The following PEPD variants were observed in gnomAD, a reference collection of about 807,000 sequenced individuals.
PEPD encodes the protein xaa-Pro dipeptidase.
PEPD carries 53 observed loss-of-function variants against 60.7 expected under a neutral mutation model. The ratio of observed to expected loss-of-function variants is 0.87; its 90% confidence interval spans 0.70 to 1.10. PEPD has a LOEUF of 1.10. Ranked by LOEUF, PEPD falls within the 50% of genes least tolerant of loss-of-function variation. The pLI is 0.00. For missense variants in PEPD, 711 were observed against 711.9 expected (o/e 1.00, Z 0.01); for synonymous variants, 267 against 284.1 (o/e 0.94, Z 0.60).
chr19:33,464,019 T>C lies in PEPD; in HGVS notation c.592A>G (p.Thr198Ala). The change falls in exon 8 of 15, where the codon ACC becomes GCC. Residue 198 changes from threonine to alanine, a missense_variant. Coordinates refer to ENST00000244137, the MANE Select transcript of PEPD (RefSeq NM_000285.4). ...TGGGCCTCGCTGGAGATTTTATTGG[T>C]ATAGCGCAGAACCTCCAGCTCCATA... is the stretch of plus-strand genomic sequence containing the variant. ...TDMELEVLRY[T>A]NKISSEAHRE... The C allele has an allele frequency of 5.0e-6, 8 of 1,613,136 alleles. No homozygotes were observed. The highest frequency in any genetic ancestry group is 6.8e-6 in the Non-Finnish European group (8 of 1,179,388).
chr19:33,394,418 C>T (rs1050847818), intron 12 of PEPD, among the ~76,000 whole-genome samples: 4 of 152,378 alleles, frequency 2.6e-5, no homozygotes, highest in African/African-American at 4.8e-5. Flanking sequence ...CCCTTGGCGC[C>T]GCTGGTCTTC....
chr19:33,484,050 G>T (rs73039156), intron 6 of PEPD, among the ~76,000 whole-genome samples: 1 of 152,096 alleles, frequency 6.6e-6, no homozygotes, highest in Non-Finnish European at 1.5e-5. Context: ...AAGAGAGAAG[G>T]GGGTAACAGC....
At chr19:33,428,144 C>T (rs1969190290) in intron 9 of PEPD, among the ~76,000 whole-genome samples, 1 of 152,244 alleles carries the variant, frequency 6.6e-6, no homozygotes, top group African/African-American at 2.4e-5. Flanking sequence ...CCAGCCTGCA[C>T]ACACTCTGAA....
intron 8 of PEPD, 119 bp from the exon 9 acceptor site, chr19:33,463,160 A>G (rs1182069895): frequency 2.6e-6 from 2 of 773,026 alleles, no homozygotes; most frequent in East Asian, 2.4e-5. Flanking sequence ...AAAAAGAATG[A>G]TATGTGCATG....
chr19:33,505,282 C>T (rs1051535149), intron 3 of PEPD, among the ~76,000 whole-genome samples: 1 of 152,164 alleles, frequency 6.6e-6, no homozygotes, highest in Non-Finnish European at 1.5e-5. Flanking sequence ...GGCATTTGCT[C>T]TGCGGTGGAA....
At chr19:33,413,341 A>C (rs1180059932) in intron 10 of PEPD, among the ~76,000 whole-genome samples, 3 of 152,228 alleles carry the variant, frequency 2.0e-5, no homozygotes. Context: ...GCCCCTCTGC[A>C]GTGGGCAGGC....
chr19:33,453,663 C>A (rs983554124), intron 9 of PEPD, among the ~76,000 whole-genome samples: 1 of 152,206 alleles, frequency 6.6e-6, no homozygotes, highest in East Asian at 1.9e-4. Context: ...CTAGGAAACA[C>A]GAAAATTTCC....
intron 3 of PEPD, 27 bp from the exon 4 acceptor site, chr19:33,501,028 G>C: frequency 6.9e-7 from 1 of 1,452,862 alleles, no homozygotes; most frequent in Non-Finnish European, 9.7e-7. Context: ...AGGAATATCA[G>C]GGTCAGGGCT....
chr19:33,399,616 C>T (rs1312696380), intron 12 of PEPD, among the ~76,000 whole-genome samples: 1 of 151,932 alleles, frequency 6.6e-6, no homozygotes, highest in South Asian at 2.1e-4. Flanking sequence ...CCTCTGAAAG[C>T]GACGGTGGCT....
At chr19:33,422,818 ATATCTATCTATC>A (rs201899160) in intron 9 of PEPD, among the ~76,000 whole-genome samples, 17 of 131,212 alleles carry the variant, frequency 1.3e-4, no homozygotes, top group African/African-American at 2.3e-4. Context: ...CCATCCTTCT[ATATCTATCTATC>A]TATCTATCCA....
At position 33,512,913 on chromosome 19, in the gene PEPD, C is replaced by T. The variant is rs111797089; in HGVS notation, c.18-137G>A. On this transcript the variant is annotated intron_variant, in intron 1 of 14. Transcript: ENST00000244137. ...CAGCACGGGGCAAGCTGCCCAAGCT[C>T]CACCTACTTATGACCCAGAAACAGC... 1.7e-4 allele frequency: 150 copies of T among 896,614 alleles called. No homozygotes were observed. In the African/African-American group the frequency reaches 2.2e-3, roughly 13 times the overall value. 55.5% of individuals were successfully genotyped at this position (896,614 alleles called of 1,614,324 possible).
At chr19:33,388,666 G>C (rs767519415) in intron 13 of PEPD, 1 of 191,640 alleles carries the variant, frequency 5.2e-6, no homozygotes, top group African/African-American at 2.3e-5. Context: ...TGCCGTGTGC[G>C]CGTGGCTTGG....
chr19:33,501,936 C>A (rs1970721430), intron 3 of PEPD, among the ~76,000 whole-genome samples: 2 of 152,122 alleles, frequency 1.3e-5, no homozygotes, highest in African/African-American at 4.8e-5. Flanking sequence ...CAAGCTTATT[C>A]ATTACCCCTG....
At chr19:33,451,662 T>A (rs1482187376) in intron 9 of PEPD, among the ~76,000 whole-genome samples, 1 of 152,156 alleles carries the variant, frequency 6.6e-6, no homozygotes, top group Non-Finnish European at 1.5e-5. Flanking sequence ...TGCTGCACCT[T>A]ATAAACAACC....
Position 33,392,691 on chromosome 19 carries a change from A to G in PEPD, c.968-1212T>C, listed in dbSNP as rs150658808. On this transcript the variant is annotated intron_variant, in intron 12 of 14. Coordinates refer to ENST00000244137, the MANE Select transcript of PEPD (RefSeq NM_000285.4). ...CTCCCTGCCAGGCTTGCCTTGGCGC[A>G]GAGCCAGAGCCTGCTCTGCATGGTC... Among the ~76,000 whole-genome samples the G allele has an allele frequency of 1.6e-3, 238 of 152,322 alleles. 2 individuals carry two copies. The East Asian group carries it at 0.017, about 11-fold the overall frequency.
At chr19:33,440,697 CCG>C (rs1416059200) in intron 9 of PEPD, among the ~76,000 whole-genome samples, 1 of 152,186 alleles carries the variant, frequency 6.6e-6, no homozygotes, top group African/African-American at 2.4e-5. Flanking sequence ...ACTGCCGTCC[CCG>C]CTTTTATTTT....
chr19:33,460,219 C>T (rs540635073), intron 9 of PEPD, among the ~76,000 whole-genome samples: 92 of 152,316 alleles, frequency 6.0e-4, no homozygotes, highest in African/African-American at 2.1e-3. Context: ...CACCCACATA[C>T]ATTTCCCGAC....
intron 9 of PEPD, among the ~76,000 whole-genome samples, chr19:33,438,674 G>GT (rs1354823036): frequency 3.9e-5 from 6 of 152,236 alleles, no homozygotes; most frequent in Admixed American, 2.6e-4. Flanking sequence ...GAGCTGAACT[G>GT]TGACACCTCA....
At chr19:33,391,822 G>C (rs1164735261) in intron 12 of PEPD, among the ~76,000 whole-genome samples, 1 of 152,196 alleles carries the variant, frequency 6.6e-6, no homozygotes, top group Non-Finnish European at 1.5e-5. Context: ...CTGGGCCCAG[G>C]GAAACCTAGC....
Sources: allele counts gnomAD v4.1 joint callset (sites outside exome capture counted in the v4.1 genomes callset), GRCh38; gene constraint gnomAD v4.1.1; transcripts MANE v1.5; gene names NCBI Gene and HGNC (gene_info 2026-07-23, HGNC 2026-07-21).